The following ADAM32 variants were observed in gnomAD, a reference collection of about 807,000 sequenced individuals.
The protein encoded by ADAM32 is disintegrin and metalloproteinase domain-containing protein 32.
ADAM32 carries 89 observed loss-of-function variants against 114.9 expected under a neutral mutation model. The observed-to-expected ratio is 0.77, with a 90% CI of 0.65 to 0.92. The LOEUF is 0.92. ADAM32 is among the 40% of genes least tolerant of loss of function. ADAM32 has a pLI of 0.00. For synonymous variants in ADAM32, 285 were observed against 307.5 expected, an observed-to-expected ratio of 0.93 and a Z score of 0.77; for missense variants, 870 against 932.8, an observed-to-expected ratio of 0.93 and a Z score of 0.88.
intron 10 of ADAM32, among the ~76,000 whole-genome samples, chr8:39,181,420 C>T (rs549598584): frequency 7.9e-5 from 12 of 152,282 alleles, no homozygotes; most frequent in South Asian, 2.1e-4. Context: ...CACATCCAAA[C>T]GTCAGAAGGA....
intron 19 of ADAM32, among the ~76,000 whole-genome samples, chr8:39,267,951 G>A (rs1057154260): frequency 6.6e-5 from 10 of 152,250 alleles, no homozygotes; most frequent in East Asian, 1.9e-4. Flanking sequence ...CAGGGCAGGC[G>A]GACACAGTGA....
chr8:39,156,302 C>T (rs548818459), intron 6 of ADAM32, among the ~76,000 whole-genome samples: 1 of 152,242 alleles, frequency 6.6e-6, no homozygotes, highest in South Asian at 2.1e-4. Flanking sequence ...CATGTGCCAC[C>T]ATGCCCAGTT....
At chr8:39,238,415 A>C (rs767910688) in intron 16 of ADAM32, among the ~76,000 whole-genome samples, 24 of 152,206 alleles carry the variant, frequency 1.6e-4, no homozygotes, top group Non-Finnish European at 2.8e-4. Flanking sequence ...TGTGGGACAA[A>C]AGAGTCTGAA....
chr8:39,238,591 C>A (rs905885493), intron 16 of ADAM32, among the ~76,000 whole-genome samples: 1 of 152,112 alleles, frequency 6.6e-6, no homozygotes, highest in Non-Finnish European at 1.5e-5. Context: ...AATTTCTGAA[C>A]TGTCAGTAAA....
chr8:39,139,426 T>C (rs987792019), intron 3 of ADAM32, among the ~76,000 whole-genome samples: 16 of 152,334 alleles, frequency 1.1e-4, no homozygotes, highest in African/African-American at 3.8e-4. Context: ...ATTTATTAAA[T>C]AGGGAATCCT....
chr8:39,125,729 A>T (rs150956746), intron 2 of ADAM32, among the ~76,000 whole-genome samples: 27 of 152,286 alleles, frequency 1.8e-4, no homozygotes, highest in Non-Finnish European at 3.2e-4. Flanking sequence ...TGTTTTCATC[A>T]TGAAATCTTT....
At chr8:39,256,899 A>G (rs1359631947) in intron 18 of ADAM32, among the ~76,000 whole-genome samples, 2 of 151,996 alleles carry the variant, frequency 1.3e-5, no homozygotes, top group Admixed American at 1.3e-4. Flanking sequence ...CACGTTGTAT[A>G]TCATTGAATT....
chr8:39,223,208 G>C lies in ADAM32; in HGVS notation c.1495G>C (p.Asp499His). The change falls in exon 14 of 25, where the codon GAT (aspartate) becomes CAT (histidine). Residue 499 changes from aspartate (D) to histidine (H), a missense_variant. Asp to His is a moderately conservative substitution (Grantham distance 81, BLOSUM62 -1). Transcript: ENST00000379907. ...TTATGACGGAGACTGCCATGATCTC[G>C]ATGCACGTTGTGAGAGTGTATTTGG... ...ICYDGDCHDL[D>H]ARCESVFGKG... 6.3e-7 allele frequency: 1 copy of C among 1,594,282 alleles called. No individual in the cohort carries two copies. Among genetic ancestry groups the C allele is most frequent in the African/African-American group, 1.3e-5 (1 of 74,284 alleles).
chr8:39,198,716 T>C (rs985244702), intron 11 of ADAM32, among the ~76,000 whole-genome samples: 2 of 148,722 alleles, frequency 1.3e-5, no homozygotes, highest in African/African-American at 2.4e-5. Flanking sequence ...CATTAGATAA[T>C]TTGGGTTGTG....
intron 6 of ADAM32, chr8:39,157,768 T>A: frequency 7.2e-7 from 1 of 1,382,220 alleles, no homozygotes; most frequent in Admixed American, 1.7e-5. Flanking sequence ...ATTGGTCACT[T>A]CACCATAGTG....
chr8:39,237,678 C>G (rs1219607938), intron 16 of ADAM32, among the ~76,000 whole-genome samples: 1 of 145,776 alleles, frequency 6.9e-6, no homozygotes, highest in East Asian at 2.1e-4. Context: ...AAGGTAACTC[C>G]ATTGACCTGA....
At chr8:39,269,669 G>A (rs1374996059) in intron 19 of ADAM32, among the ~76,000 whole-genome samples, 2 of 152,172 alleles carry the variant, frequency 1.3e-5, no homozygotes, top group Admixed American at 1.3e-4. Context: ...GTGAATTCAT[G>A]TTTTAGTGTA....
chr8:39,135,849 G>A (rs1344222699), intron 2 of ADAM32, among the ~76,000 whole-genome samples: 2 of 152,016 alleles, frequency 1.3e-5, no homozygotes, highest in Non-Finnish European at 2.9e-5. Flanking sequence ...CATATCATGG[G>A]GTACATGATA....
intron 16 of ADAM32, among the ~76,000 whole-genome samples, chr8:39,245,251 C>T (rs1417373134): frequency 6.6e-6 from 1 of 152,094 alleles, no homozygotes; most frequent in Admixed American, 6.5e-5. Context: ...GGGAGCTAAT[C>T]TCTGAAGATG....
chr8:39,124,969 G>A (rs578137574), intron 2 of ADAM32, among the ~76,000 whole-genome samples: 12 of 152,238 alleles, frequency 7.9e-5, no homozygotes, highest in Middle Eastern at 3.4e-3. Flanking sequence ...CCCCAACAGT[G>A]TAAAAGTGTT....
intron 19 of ADAM32, among the ~76,000 whole-genome samples, chr8:39,262,965 T>C (rs1296053861): frequency 6.6e-6 from 1 of 152,132 alleles, no homozygotes; most frequent in Non-Finnish European, 1.5e-5. Flanking sequence ...ACCTTGGCTT[T>C]GCAAAGTGCT....
At chr8:39,195,294 C>T (rs1476905885) in intron 11 of ADAM32, among the ~76,000 whole-genome samples, 2 of 152,054 alleles carry the variant, frequency 1.3e-5, no homozygotes, top group African/African-American at 4.8e-5. Flanking sequence ...TTTTATTTGC[C>T]GTTGAGGTTT....
intron 11 of ADAM32, among the ~76,000 whole-genome samples, chr8:39,188,371 ATCTG>A (rs57295844): frequency 0.56 from 85,315 of 151,326 alleles, 24,285 homozygotes; most frequent in South Asian, 0.69. Context: ...CTGTCTATCT[ATCTG>A]TCTGTCTGTC....
intron 19 of ADAM32, among the ~76,000 whole-genome samples, chr8:39,259,695 A>G (rs2129450810): frequency 6.6e-6 from 1 of 152,302 alleles, no homozygotes; most frequent in African/African-American, 2.4e-5. Context: ...TAGTCAGTGA[A>G]TACTAGGATT....
Sources: gnomAD v4.1 joint callset for allele counts (sites outside exome capture counted in the v4.1 genomes callset) on GRCh38, gnomAD v4.1.1 for gene constraint, MANE v1.5 for transcripts, NCBI Gene and HGNC (gene_info 2026-07-23, HGNC 2026-07-21) for gene names.